Variants in MCC observed in about 807,000 individuals in gnomAD.
MCC encodes the protein colorectal mutant cancer protein.
MCC carries 90 observed loss-of-function variants against 116.2 expected under a neutral mutation model. The observed-to-expected ratio is 0.77, with a 90% CI of 0.65 to 0.92. The LOEUF (loss-of-function observed/expected upper bound fraction) is 0.92. Among genes scored for constraint, MCC ranks in the 40% least tolerant of loss-of-function variants. MCC has a pLI of 0.00. For missense variants in MCC, 1,516 were observed against 1,312.2 expected (o/e 1.16, Z -2.40); for synonymous variants, 578 against 510.5 (o/e 1.13, Z -1.78).
chr5:113,201,477 G>A (rs1251653894), intron 3 of MCC, among the ~76,000 whole-genome samples: 90 of 151,290 alleles, frequency 5.9e-4, no homozygotes. Context: ...CAAGTCAGAT[G>A]AAGTCCTAAT....
intron 1 of MCC, among the ~76,000 whole-genome samples, chr5:113,452,882 T>C (rs1475005854): frequency 1.3e-5 from 2 of 152,240 alleles, no homozygotes; most frequent in East Asian, 3.8e-4. Context: ...GTGTCCTTTA[T>C]TTGAAAGGAA....
intron 3 of MCC, among the ~76,000 whole-genome samples, chr5:113,193,482 A>G (rs1403437173): frequency 6.6e-6 from 1 of 152,136 alleles, no homozygotes; most frequent in Non-Finnish European, 1.5e-5. Flanking sequence ...CATAAAAGTA[A>G]CATGTTTGTT....
intron 16 of MCC, among the ~76,000 whole-genome samples, chr5:113,043,847 G>C (rs921068979): frequency 6.6e-6 from 1 of 152,256 alleles, no homozygotes; most frequent in Non-Finnish European, 1.5e-5. Flanking sequence ...TGGCCAGTGC[G>C]GTGGGGATGA....
intron 17 of MCC, among the ~76,000 whole-genome samples, chr5:113,042,474 C>CAAAAA (rs5870523): frequency 1.5e-5 from 1 of 68,462 alleles, no homozygotes; most frequent in Admixed American, 1.9e-4. Context: ...GACCCTCTCT[C>CAAAAA]AAAAAAAAAA....
At chr5:113,164,985 T>C (rs1381620119) in intron 3 of MCC, among the ~76,000 whole-genome samples, 1 of 152,162 alleles carries the variant, frequency 6.6e-6, no homozygotes, top group East Asian at 1.9e-4. Flanking sequence ...AAGGCGCTGT[T>C]CTACCCAAAA....
At chr5:113,320,448 A>T in intron 3 of MCC, among the ~76,000 whole-genome samples, 1 of 94,942 alleles carries the variant, frequency 1.1e-5, no homozygotes, top group Admixed American at 1.1e-4. Context: ...CACCAGACTC[A>T]TTGCAAAAAA....
intron 17 of MCC, among the ~76,000 whole-genome samples, chr5:113,037,850 G>A (rs1401204855): frequency 2.0e-5 from 3 of 152,210 alleles, no homozygotes; most frequent in African/African-American, 7.2e-5. Flanking sequence ...ATTGTCCAGA[G>A]GGGCTGGACT....
At chr5:113,135,842 G>A (rs1203969290) in intron 5 of MCC, among the ~76,000 whole-genome samples, 6 of 152,018 alleles carry the variant, frequency 3.9e-5, no homozygotes, top group African/African-American at 9.7e-5. Flanking sequence ...CCAGGAGTTC[G>A]AGAACATCCT....
chr5:113,089,314 G>C (rs1490150050), intron 8 of MCC, among the ~76,000 whole-genome samples: 1 of 152,196 alleles, frequency 6.6e-6, no homozygotes, highest in African/African-American at 2.4e-5. Flanking sequence ...AGCAAATAAA[G>C]AGGAAAAGAT....
At chr5:113,126,948 G>T (rs1483299192) in intron 5 of MCC, among the ~76,000 whole-genome samples, 1 of 152,070 alleles carries the variant, frequency 6.6e-6, no homozygotes, top group Non-Finnish European at 1.5e-5. Flanking sequence ...GTCTTGGGGG[G>T]TTTGTTGTAC....
chr5:113,409,282 T>C (rs1769914437), intron 1 of MCC, among the ~76,000 whole-genome samples: 1 of 152,170 alleles, frequency 6.6e-6, no homozygotes, highest in South Asian at 2.1e-4. Flanking sequence ...TAAATTGAAG[T>C]CTTATCACAA....
In MCC at chr5:113,434,844, C is replaced by T; in HGVS notation, c.171-49632G>A. 6.2e-7 allele frequency: 1 copy of T among 1,600,760 alleles called. No individual in the cohort carries two copies. The highest frequency in any genetic ancestry group is 8.5e-7 in the Non-Finnish European group (1 of 1,171,632). On this transcript the variant is annotated intron_variant, in intron 1 of 18. Transcript: ENST00000408903. This position sits in a 1 kb window ranked among gnomAD's most constrained non-coding sequence, Gnocchi z 4.2. ...GAGGACAGCAGCGTCATCCATGGTG[C>T]CAGGAATGCCCAGTGCCTCTGAGGC...
intron 8 of MCC, among the ~76,000 whole-genome samples, chr5:113,098,507 C>A (rs1186226693): frequency 2.6e-5 from 4 of 152,222 alleles, no homozygotes; most frequent in African/African-American, 9.6e-5. Flanking sequence ...TACATTAAGC[C>A]CAATTCTTTA....
chr5:113,405,287 T>C (rs929325029), intron 1 of MCC, among the ~76,000 whole-genome samples: 1 of 152,218 alleles, frequency 6.6e-6, no homozygotes, highest in Non-Finnish European at 1.5e-5. Context: ...GCCTTGACAG[T>C]AGTTCCCTTC....
intron 3 of MCC, among the ~76,000 whole-genome samples, chr5:113,187,875 G>C (rs769117582): frequency 1.3e-5 from 2 of 151,918 alleles, no homozygotes; most frequent in African/African-American, 2.4e-5. Flanking sequence ...ACTTTAGACA[G>C]AACCCACGTT....
At chr5:113,183,644 A>T (rs1761739409) in intron 3 of MCC, among the ~76,000 whole-genome samples, 1 of 152,168 alleles carries the variant, frequency 6.6e-6, no homozygotes, top group Admixed American at 6.5e-5. Context: ...CAGCAGGATG[A>T]GAGTCTCATA....
intron 3 of MCC, among the ~76,000 whole-genome samples, chr5:113,327,462 C>T (rs1303064615): frequency 6.8e-6 from 1 of 147,874 alleles, no homozygotes; most frequent in Non-Finnish European, 1.5e-5. Flanking sequence ...AGAAGAATCG[C>T]TTGAACCCAG....
At chr5:113,391,059 A>T (rs746433838) in intron 1 of MCC, among the ~76,000 whole-genome samples, 18 of 152,236 alleles carry the variant, frequency 1.2e-4, no homozygotes, top group Non-Finnish European at 2.2e-4. Flanking sequence ...GAACGGAATA[A>T]ATGCATTTGC....
chr5:113,230,204 G>C (rs1001072338), intron 3 of MCC, among the ~76,000 whole-genome samples: 1 of 152,146 alleles, frequency 6.6e-6, no homozygotes, highest in African/African-American at 2.4e-5. Context: ...TACTTTTACT[G>C]TTACTGGATG....
Sources: allele counts gnomAD v4.1 joint callset (sites outside exome capture counted in the v4.1 genomes callset), GRCh38; gene constraint gnomAD v4.1.1; non-coding constraint Gnocchi (gnomAD v3.1); transcripts MANE v1.5; gene names NCBI Gene and HGNC (gene_info 2026-07-23, HGNC 2026-07-21).